The following CHGA variants were observed in gnomAD, a reference collection of about 807,000 sequenced individuals.
CHGA encodes chromogranin A.
Under a neutral mutation model 54.4 loss-of-function variants are expected in CHGA, and 41 were observed. The observed-to-expected ratio is 0.75, with a 90% CI of 0.59 to 0.98. CHGA has a LOEUF of 0.98. Among genes scored for constraint, CHGA ranks in the 50% least tolerant of loss-of-function variants. The pLI is 0.00. For missense variants in CHGA, 576 were observed against 582.3 expected (o/e 0.99, Z 0.11); for synonymous variants, 249 against 232.8 (o/e 1.07, Z -0.63).
chr14:92,932,432 C>A lies in CHGA; in HGVS notation c.871C>A (p.Pro291Thr). ...GKPGAEEAQD[P>T]EGKGEQEHSQ... is the part of the protein sequence containing the mutation. ...GCCTGGGGCTGAGGAGGCTCAGGAC[C>A]CCGAAGGGAAGGGAGAACAGGAGCA... Residue 291 changes from proline to threonine, a missense_variant, in exon 7 of 8, where the codon CCC becomes ACC. Transcript: ENST00000216492. This position sits in a 1 kb window ranked among gnomAD's most constrained non-coding sequence, Gnocchi z 5.3. 1.9e-6 allele frequency: 3 copies of A among 1,568,780 alleles called. No homozygotes were observed. Among genetic ancestry groups the A allele is most frequent in the East Asian group, 2.3e-5 (1 of 43,066 alleles).
intron 5 of CHGA, among the ~76,000 whole-genome samples, chr14:92,930,293 T>C (rs989741236): frequency 2.0e-5 from 3 of 152,006 alleles, no homozygotes; most frequent in African/African-American, 7.3e-5. Flanking sequence ...CTTCTAGGAG[T>C]CTAAGAGGTC....
intron 4 of CHGA, among the ~76,000 whole-genome samples, chr14:92,929,261 A>T (rs971157362): frequency 1.3e-5 from 2 of 152,156 alleles, no homozygotes; most frequent in African/African-American, 4.8e-5. Flanking sequence ...AAGAGCTGTC[A>T]CCATTACTGC....
Position 92,929,784 on chromosome 14 carries a change from T to C in CHGA, c.324T>C (p.Leu108=), listed in dbSNP as rs766061758. ...SGFEDELSEV[L]ENQSSQAELK... Reference sequence around the variant, plus strand: ...TTGAAGATGAACTCTCAGAGGTTCTTGAGAACCAGAGCAGCCAGGCCGAGC... The same window carrying C: ...TTGAAGATGAACTCTCAGAGGTTCTCGAGAACCAGAGCAGCCAGGCCGAGC... The change falls in exon 5 of 8, where the codon CTT becomes CTC. Residue 108 remains leucine (L), a synonymous_variant. Coordinates refer to ENST00000216492, the MANE Select transcript of CHGA (RefSeq NM_001275.4). The C allele has an allele frequency of 2.5e-6, 4 of 1,613,094 alleles. No individual in the cohort carries two copies. Among genetic ancestry groups the C allele is most frequent in the Admixed American group, 3.3e-5 (2 of 60,004 alleles).
rs916838832 is a variant in CHGA at position 92,923,326 on chromosome 14, C to G, written c.-34C>G. The G allele has an allele frequency of 7.6e-7, 1 of 1,322,746 alleles. No individual in the cohort carries two copies. The highest frequency in any genetic ancestry group is 9.6e-7 in the Non-Finnish European group (1 of 1,038,838). 81.9% of individuals were successfully genotyped at this position (1,322,746 alleles called of 1,614,324 possible). A position where few individuals can be genotyped will look rare whatever the true frequency, so the allele number is the denominator to read the frequency against. On this transcript the variant is annotated 5_prime_UTR_variant, in exon 1 of 8. Coordinates refer to ENST00000216492, the MANE Select transcript of CHGA (RefSeq NM_001275.4). ...TCGCCCGGTGCCTAGGTGCCCGGCC[C>G]CACACCGCCAGCTGCTCGGCGCCCG...
upstream of CHGA, chr14:92,923,018 G>C (rs1332284891): frequency 9.3e-6 from 2 of 215,012 alleles, no homozygotes; most frequent in Admixed American, 1.2e-4. Context: ...CAGAGGTAGC[G>C]AGGGGTGAGG....
At chr14:92,923,441 C>T (rs9658639) in intron 1 of CHGA, 36 bp downstream of exon 1, 20,444 of 1,250,598 alleles carry the variant, frequency 0.016, 192 homozygotes, top group Non-Finnish European at 0.018. Flanking sequence ...GAGAGGGTTC[C>T]GGGCGCCCCT....
At position 92,931,667 on chromosome 14, in the gene CHGA, C is replaced by G; in HGVS notation, c.773C>G (p.Pro258Arg). 6.3e-7 allele frequency: 1 copy of G among 1,591,352 alleles called. No homozygotes were observed. The stretch of plus-strand genomic sequence containing the variant: ...CCCACTGTAGTGCTGAACCCCCACC[C>G]GAGCCTTGGCTACAAGGAGATCCGG... ...EGPTVVLNPH[P>R]SLGYKEIRKG... is the part of the protein sequence containing the mutation. Residue 258 changes from proline to arginine, a missense_variant, in exon 6 of 8, where the codon CCG (proline) becomes CGG (arginine). Coordinates refer to ENST00000216492, the MANE Select transcript of CHGA (RefSeq NM_001275.4).
At position 92,935,080 on chromosome 14, in the gene CHGA, C is replaced by T. The variant is rs1225169436; in HGVS notation, c.*196C>T. ...TGACTCCTACCTGCCCTGGAACATCCTTTGCAGGGCAGCCCCACAACTTTA... is the reference window on the plus strand; with the variant it reads ...TGACTCCTACCTGCCCTGGAACATCTTTTGCAGGGCAGCCCCACAACTTTA... On this transcript the variant is annotated 3_prime_UTR_variant, in exon 8 of 8. Coordinates refer to ENST00000216492, the MANE Select transcript of CHGA (RefSeq NM_001275.4). 7.6e-6 allele frequency: 4 copies of T among 528,816 alleles called. No individual in the cohort carries two copies. The highest frequency in any genetic ancestry group is 3.4e-5 in the East Asian group (1 of 29,376). 32.8% of individuals were successfully genotyped at this position (528,816 alleles called of 1,614,324 possible).
rs946677734 is a variant in CHGA, at chr14:92,931,400, C to T, written c.506C>T (p.Ala169Val). The part of the protein sequence containing the change: ...QESKAEGNNQ[A>V]PGEEEEEEEE... ...TCCAAGGCTGAGGGGAACAATCAGG[C>T]CCCTGGGGAGGAAGAGGAGGAGGAG... The change falls in exon 6 of 8, where the codon GCC becomes GTC. Residue 169 changes from alanine to valine, a missense_variant. Coordinates refer to ENST00000216492, the MANE Select transcript of CHGA (RefSeq NM_001275.4). The T allele has an allele frequency of 1.2e-6, 2 of 1,611,886 alleles. No homozygotes were observed. The highest frequency in any genetic ancestry group is 1.3e-5 in the African/African-American group (1 of 75,042).
At position 92,934,971 on chromosome 14, in the gene CHGA, T is replaced by A. The variant is rs7610; in HGVS notation, c.*87T>A. 2.5e-6 allele frequency: 3 copies of A among 1,178,296 alleles called. No homozygotes were observed. Among genetic ancestry groups the A allele is most frequent in the South Asian group, 1.6e-5 (1 of 62,124 alleles). 73.0% of individuals were successfully genotyped at this position (1,178,296 alleles called of 1,614,324 possible). ...GCAGGTCCTGGCCAGATGGCCCGGA[T>A]GCTGCTTCCGGTAGGGAGGCAGCCT... On this transcript the variant is annotated 3_prime_UTR_variant, in exon 8 of 8. Transcript: ENST00000216492.
intron 7 of CHGA, chr14:92,933,062 A>G (rs992919669): frequency 1.6e-6 from 1 of 635,916 alleles, no homozygotes; most frequent in Admixed American, 3.5e-5. Context: ...AGATGGGAGG[A>G]GCTCAGGTCA....
chr14:92,935,031 C>T lies in CHGA; in HGVS notation c.*147C>T, dbSNP rs1047723713. The T allele has an allele frequency of 7.0e-5, 43 of 610,042 alleles. No individual in the cohort carries two copies. In the African/African-American group the frequency reaches 7.9e-4, roughly 11 times the overall value. 37.8% of individuals were successfully genotyped at this position (610,042 alleles called of 1,614,324 possible). ...CCAAGCCCAGGCCACCCTATCGCCC[C>T]CTACGCGCCTTGTCTCCTACTCCTG... On this transcript the variant is annotated 3_prime_UTR_variant, in exon 8 of 8. Transcript: ENST00000216492.
intron 3 of CHGA, 37 bp downstream of exon 3, chr14:92,926,735 G>T: frequency 6.4e-7 from 1 of 1,561,200 alleles, no homozygotes. Flanking sequence ...GCTGCTGCCT[G>T]CTGGGCTGGG....
Position 92,923,887 on chromosome 14 carries a change from T to C in CHGA, c.47-312T>C, listed in dbSNP as rs547068901. 4.4e-3 allele frequency among the ~76,000 whole-genome samples: 673 copies of C among 152,046 alleles called. 9 individuals are homozygous for C. The highest frequency in any genetic ancestry group is 0.016 in the African/African-American group (644 of 41,478). ...ACCTCTGGGGTCTCTCTCCCCTTCG[T>C]CTGTCTCCCACCCGTCCCACTGTGC... On this transcript the variant is annotated intron_variant, in intron 1 of 7. Coordinates refer to ENST00000216492, the MANE Select transcript of CHGA (RefSeq NM_001275.4).
chr14:92,932,020 AC>A lies in CHGA; in HGVS notation c.808+319del. 1 of 452,090 alleles carries A rather than the reference AC, an allele frequency of 2.2e-6. No individual in the cohort carries two copies. The highest frequency in any genetic ancestry group is 3.9e-6 in the Non-Finnish European group (1 of 257,612). The allele number at this position is 452,090 out of a possible 1,614,324, so 28.0% of individuals were successfully genotyped here. On this transcript the variant is annotated intron_variant, in intron 6 of 7. Transcript: ENST00000216492. The surrounding 1 kb of genome is among the most constrained non-coding windows in gnomAD (Gnocchi z 5.3). ...GGTGATGGGTGGGCTGGCTTTGGGA[AC>A]AGAGACCATGGCAGGAGCGCACAGG... is the stretch of plus-strand genomic sequence containing the variant.
intron 1 of CHGA, 66 bp from the exon 2 acceptor site, chr14:92,924,133 G>C: frequency 6.4e-7 from 1 of 1,569,392 alleles, no homozygotes; most frequent in Admixed American, 1.8e-5. Flanking sequence ...CAGTGAGCCC[G>C]GTCAGAAAGG....
In CHGA at chr14:92,931,466, G is replaced by A; in HGVS notation, c.572G>A (p.Ser191Asn). 1 of 1,610,918 alleles carries A rather than the reference G, an allele frequency of 6.2e-7. No homozygotes were observed. Among genetic ancestry groups the A allele is most frequent in the Non-Finnish European group, 8.5e-7 (1 of 1,179,010 alleles). ...ACCCACCCTCCAGCCAGCCTCCCCA[G>A]CCAGAAATACCCAGGCCCACAGGCC... is the stretch of plus-strand genomic sequence containing the variant. The part of the protein sequence containing the change: ...TNTHPPASLP[S>N]QKYPGPQAEG... The change falls in exon 6 of 8, where the codon AGC (serine) becomes AAC (asparagine). Residue 191 changes from serine to asparagine, a missense_variant. Coordinates refer to ENST00000216492, the MANE Select transcript of CHGA (RefSeq NM_001275.4).
chr14:92,926,276 T>G, intron 2 of CHGA: 1 of 316,690 alleles, frequency 3.2e-6, no homozygotes, highest in Non-Finnish European at 6.0e-6. Context: ...AGTTTTCTCA[T>G]GTTTAGAGAA....
At chr14:92,933,551 C>T (rs557198404) in intron 7 of CHGA, among the ~76,000 whole-genome samples, 57 of 152,226 alleles carry the variant, frequency 3.7e-4, no homozygotes, top group Non-Finnish European at 6.9e-4. Context: ...AGCTAGGCGG[C>T]TGGGATACCT....
Sources: gnomAD v4.1 joint callset for allele counts (sites outside exome capture counted in the v4.1 genomes callset) on GRCh38, gnomAD v4.1.1 for gene constraint, Gnocchi (gnomAD v3.1) non-coding constraint, MANE v1.5 for transcripts, NCBI Gene and HGNC (gene_info 2026-07-23, HGNC 2026-07-21) for gene names.